Variants in SEZ6L observed in about 807,000 individuals in gnomAD.
SEZ6L encodes seizure related 6 homolog like, also known as seizure 6-like protein.
Under a neutral mutation model 106.2 loss-of-function variants are expected in SEZ6L, and 37 were observed. The observed-to-expected ratio is 0.35, with a 90% CI of 0.27 to 0.46. The LOEUF is 0.46. Ranked by LOEUF, SEZ6L falls within the 20% of genes least tolerant of loss-of-function variation. SEZ6L has a pLI of 1.00. For synonymous variants in SEZ6L, 541 were observed against 570.4 expected (o/e 0.95, Z 0.73); for missense variants, 1,172 against 1,332.8 (o/e 0.88, Z 1.88).
chr22:26,341,494 C>T (rs573574604), intron 10 of SEZ6L, among the ~76,000 whole-genome samples: 4 of 152,174 alleles, frequency 2.6e-5, no homozygotes, highest in Non-Finnish European at 5.9e-5. Context: ...TCACGCCCTC[C>T]ATGCCTTCAT....
At chr22:26,359,522 G>A (rs1263065224) in intron 12 of SEZ6L, among the ~76,000 whole-genome samples, 2 of 152,204 alleles carry the variant, frequency 1.3e-5, no homozygotes, top group Non-Finnish European at 2.9e-5. Context: ...TGATGACCAG[G>A]CATGATGGCT....
chr22:26,314,916 A>G (rs886501618), intron 9 of SEZ6L, among the ~76,000 whole-genome samples: 1 of 152,226 alleles, frequency 6.6e-6, no homozygotes, highest in African/African-American at 2.4e-5. Context: ...GTGGCTTCTC[A>G]GTCATGCTCT....
At chr22:26,312,685 C>G (rs1320987822) in intron 8 of SEZ6L, among the ~76,000 whole-genome samples, 1 of 152,248 alleles carries the variant, frequency 6.6e-6, no homozygotes, top group Non-Finnish European at 1.5e-5. Context: ...ATTCTCCTGT[C>G]TCAGCCTCCT....
intron 1 of SEZ6L, among the ~76,000 whole-genome samples, chr22:26,178,540 TA>T (rs1939173371): frequency 6.6e-6 from 1 of 152,170 alleles, no homozygotes; most frequent in Non-Finnish European, 1.5e-5. Context: ...TAGAACAAGG[TA>T]GGTGGATACA....
At chr22:26,283,553 G>C (rs1209993475) in intron 1 of SEZ6L, among the ~76,000 whole-genome samples, 2 of 152,060 alleles carry the variant, frequency 1.3e-5, no homozygotes, top group Non-Finnish European at 2.9e-5. Flanking sequence ...ATAAAGTGTT[G>C]ATCAACAACA....
At chr22:26,237,619 G>A (rs754078365) in intron 1 of SEZ6L, among the ~76,000 whole-genome samples, 2 of 152,212 alleles carry the variant, frequency 1.3e-5, no homozygotes, top group Admixed American at 6.5e-5. Flanking sequence ...CTAAAACCAA[G>A]GAACTGAGTG....
intron 5 of SEZ6L, among the ~76,000 whole-genome samples, chr22:26,304,361 A>AG (rs1421080952): frequency 2.7e-5 from 3 of 112,948 alleles, no homozygotes; most frequent in South Asian, 2.7e-4. Context: ...CAAAAAAAAA[A>AG]AAAGAAAGAA....
In SEZ6L at chr22:26,345,589, C is replaced by A. The variant is rs565335390; in HGVS notation, c.2213-2130C>A. ...AAAAATAGAGGCTCCTGTCCCCCCA[C>A]CAAGCAATTCTCGAAGCTATTTTTT... On this transcript the variant is annotated intron_variant, in intron 10 of 16. Coordinates refer to ENST00000248933, the MANE Select transcript of SEZ6L (RefSeq NM_021115.5). Among the ~76,000 whole-genome samples the A allele has an allele frequency of 2.0e-5, 3 of 152,264 alleles. No individual in the cohort carries two copies. The East Asian group carries it at 5.8e-4, about 29-fold the overall frequency.
chr22:26,253,098 A>G (rs1207385), intron 1 of SEZ6L, among the ~76,000 whole-genome samples: 147,296 of 152,276 alleles, frequency 0.97, 71,436 homozygotes, highest in East Asian at 1. Context: ...TCTCCCTAGA[A>G]GGGTGGGTAT....
rs2081969477 is a variant in SEZ6L at position 26,315,437 on chromosome 22, C to T, written c.2015+1535C>T. On this transcript the variant is annotated intron_variant, in intron 9 of 16. Coordinates refer to ENST00000248933, the MANE Select transcript of SEZ6L (RefSeq NM_021115.5). ...GAGGCTGCAGTGAGCCATGATCATG[C>T]CACTGCACTCCAGCCTGGGTGACAG... is the stretch of plus-strand genomic sequence containing the variant. Among the ~76,000 whole-genome samples, 3 of 152,172 alleles carry T rather than the reference C, an allele frequency of 2.0e-5. No individual in the cohort carries two copies. The South Asian group carries it at 6.2e-4, about 32-fold the overall frequency.
chr22:26,290,327 C>A (rs899530556), intron 1 of SEZ6L, among the ~76,000 whole-genome samples: 3 of 152,048 alleles, frequency 2.0e-5, no homozygotes, highest in African/African-American at 7.2e-5. Flanking sequence ...GTCAGGAGAT[C>A]GAGACCATCC....
At chr22:26,371,937 G>T (rs1019325076) in intron 13 of SEZ6L, among the ~76,000 whole-genome samples, 3 of 152,182 alleles carry the variant, frequency 2.0e-5, no homozygotes, top group Admixed American at 6.5e-5. Context: ...AAAAAACTGG[G>T]ATGCATGACA....
At chr22:26,194,327 G>A (rs1225809696) in intron 1 of SEZ6L, among the ~76,000 whole-genome samples, 1 of 152,158 alleles carries the variant, frequency 6.6e-6, no homozygotes, top group African/African-American at 2.4e-5. Flanking sequence ...TATTTGCAGT[G>A]GGATGCAAAT....
intron 1 of SEZ6L, among the ~76,000 whole-genome samples, chr22:26,234,059 G>T (rs1287283996): frequency 6.6e-6 from 1 of 152,198 alleles, no homozygotes; most frequent in Non-Finnish European, 1.5e-5. Context: ...GTAGGAGTTT[G>T]ATTGTATTCT....
At chr22:26,280,485 G>A (rs564589999) in intron 1 of SEZ6L, among the ~76,000 whole-genome samples, 1 of 152,204 alleles carries the variant, frequency 6.6e-6, no homozygotes, top group Non-Finnish European at 1.5e-5. Flanking sequence ...TGCACGAAAG[G>A]TAGCATACTC....
At position 26,306,079 on chromosome 22, in the gene SEZ6L, T is replaced by C; in HGVS notation, c.1449T>C (p.Ile483=). 2 of 1,614,170 alleles carry C rather than the reference T, an allele frequency of 1.2e-6. No homozygotes were observed. The highest frequency in any genetic ancestry group is 1.7e-6 in the Non-Finnish European group (2 of 1,180,024). Residue 483 remains isoleucine, a synonymous_variant, in exon 6 of 17, where the codon ATT becomes ATC. Coordinates refer to ENST00000248933, the MANE Select transcript of SEZ6L (RefSeq NM_021115.5). ...GGAGCCAATTCTGCATCTGGACGAT[T>C]GAAGCTCCAGAGGGCCAGAAGCTGC... ...TNGSQFCIWT[I]EAPEGQKLHL...
intron 1 of SEZ6L, among the ~76,000 whole-genome samples, chr22:26,224,096 C>G (rs1281085089): frequency 6.6e-6 from 1 of 152,184 alleles, no homozygotes; most frequent in Non-Finnish European, 1.5e-5. Context: ...AATTAATACA[C>G]AATCCTGGAG....
chr22:26,360,256 T>C (rs1258866524), intron 12 of SEZ6L, among the ~76,000 whole-genome samples: 1 of 152,202 alleles, frequency 6.6e-6, no homozygotes, highest in African/African-American at 2.4e-5. Context: ...GTCCTGCTCC[T>C]AGGTCGGCTG....
intron 5 of SEZ6L, among the ~76,000 whole-genome samples, chr22:26,303,863 C>T (rs2081528287): frequency 6.6e-6 from 1 of 152,138 alleles, no homozygotes; most frequent in African/African-American, 2.4e-5. Flanking sequence ...ACCAAGCGTC[C>T]TGTGCTTGGG....
Sources: gnomAD v4.1 joint callset for allele counts (sites outside exome capture counted in the v4.1 genomes callset) on GRCh38, gnomAD v4.1.1 for gene constraint, MANE v1.5 for transcripts, NCBI Gene and HGNC (gene_info 2026-07-23, HGNC 2026-07-21) for gene names.